Variants in SPATA16 observed in about 807,000 individuals in gnomAD.
SPATA16 encodes spermatogenesis-associated protein 16.
Under a neutral mutation model 63.3 loss-of-function variants are expected in SPATA16, and 36 were observed. That is an observed-to-expected ratio of 0.57 (90% confidence interval 0.44 to 0.75). SPATA16 has a LOEUF of 0.75. SPATA16 is among the 30% of genes least tolerant of loss of function. SPATA16 has a pLI of 0.00. For missense variants in SPATA16, 646 were observed against 679.3 expected, an observed-to-expected ratio of 0.95 and a Z score of 0.54; for synonymous variants, 203 against 216.7, an observed-to-expected ratio of 0.94 and a Z score of 0.56.
intron 3 of SPATA16, among the ~76,000 whole-genome samples, chr3:173,044,443 G>A (rs760205492): frequency 1.3e-5 from 2 of 152,010 alleles, no homozygotes; most frequent in Admixed American, 1.3e-4. Flanking sequence ...ATCTCCATTT[G>A]GTTCTTCCCA....
rs535866100 is a variant in SPATA16, at chr3:172,974,248, A to T, written c.933+2720T>A. On this transcript the variant is annotated intron_variant, in intron 5 of 10. Transcript: ENST00000351008. ...CTGTTAAGAAGAATAACCAACTAAAATGGTATGGATTTTATAGGGTTGAAA... is the reference window on the plus strand; with the variant it reads ...CTGTTAAGAAGAATAACCAACTAAATTGGTATGGATTTTATAGGGTTGAAA... Among the ~76,000 whole-genome samples the T allele has an allele frequency of 1.6e-4, 24 of 152,224 alleles. No homozygotes were observed. In the South Asian group the frequency reaches 4.6e-3, roughly 29 times the overall value.
chr3:173,110,873 T>C (rs562921645), intron 2 of SPATA16, among the ~76,000 whole-genome samples: 2 of 152,350 alleles, frequency 1.3e-5, no homozygotes, highest in African/African-American at 4.8e-5. Flanking sequence ...AGTGGTTTGG[T>C]ATAAATCCTT....
chr3:172,929,467 C>T (rs1732818356), intron 6 of SPATA16, among the ~76,000 whole-genome samples: 1 of 152,152 alleles, frequency 6.6e-6, no homozygotes, highest in Admixed American at 6.5e-5. Context: ...AAACTGACCA[C>T]CTTGCAAGTC....
chr3:173,096,633 A>G (rs1293968027), intron 2 of SPATA16, among the ~76,000 whole-genome samples: 1 of 152,152 alleles, frequency 6.6e-6, no homozygotes. Flanking sequence ...ATAAAGGAAA[A>G]TAGACCTTCT....
chr3:173,120,608 T>A (rs1431999752), intron 1 of SPATA16, among the ~76,000 whole-genome samples: 1 of 152,204 alleles, frequency 6.6e-6, no homozygotes, highest in Non-Finnish European at 1.5e-5. Flanking sequence ...TACCTATCTC[T>A]GCTGTATTTA....
intron 4 of SPATA16, among the ~76,000 whole-genome samples, chr3:172,986,457 C>A (rs992764725): frequency 2.6e-5 from 4 of 152,004 alleles, no homozygotes; most frequent in African/African-American, 9.7e-5. Context: ...GTGGATAAAT[C>A]AATATATGTA....
chr3:172,917,665 C>T (rs1429599175), intron 8 of SPATA16, among the ~76,000 whole-genome samples: 1 of 152,172 alleles, frequency 6.6e-6, no homozygotes, highest in Non-Finnish European at 1.5e-5. Context: ...CAAACCACCA[C>T]CTTAAAGCTT....
At chr3:172,989,605 C>T (rs748866714) in intron 4 of SPATA16, among the ~76,000 whole-genome samples, 15 of 152,076 alleles carry the variant, frequency 9.9e-5, no homozygotes, top group African/African-American at 1.9e-4. Flanking sequence ...TAGTACAATG[C>T]GGATAATAAT....
At chr3:173,119,014 T>C (rs1441496508) in intron 1 of SPATA16, among the ~76,000 whole-genome samples, 1 of 152,204 alleles carries the variant, frequency 6.6e-6, no homozygotes, top group African/African-American at 2.4e-5. Context: ...TTGATTGTCT[T>C]CATTTGTTTG....
At chr3:172,981,496 C>T (rs931839212) in intron 4 of SPATA16, among the ~76,000 whole-genome samples, 1 of 152,174 alleles carries the variant, frequency 6.6e-6, no homozygotes, top group Middle Eastern at 3.2e-3. Flanking sequence ...CAGGGTCCAT[C>T]CTGCTGTCCC....
At chr3:173,123,893 C>G (rs1738155599) in intron 1 of SPATA16, among the ~76,000 whole-genome samples, 1 of 151,970 alleles carries the variant, frequency 6.6e-6, no homozygotes, top group African/African-American at 2.4e-5. Flanking sequence ...CATAAGCCAC[C>G]ACTTCCGGCC....
In SPATA16 at chr3:172,956,844, C is replaced by T. The variant is rs756580561; in HGVS notation, c.934-20G>A. ...CATGGCCTAAGAGGAAACAAACAAC[C>T]CATTTGGCATCAATAACAATATATG... On this transcript the variant is annotated intron_variant, in intron 5 of 10. Coordinates refer to ENST00000351008, the MANE Select transcript of SPATA16 (RefSeq NM_031955.6). 1.1e-5 allele frequency: 18 copies of T among 1,612,554 alleles called. No individual in the cohort carries two copies. The South Asian group carries it at 1.9e-4, about 17-fold the overall frequency.
Position 173,098,095 on chromosome 3 carries a change from G to A in SPATA16, c.612+19025C>T, listed in dbSNP as rs1234026002. Among the ~76,000 whole-genome samples the A allele has an allele frequency of 4.0e-5, 6 of 151,776 alleles. No individual in the cohort carries two copies. In the South Asian group the frequency reaches 8.3e-4, roughly 21 times the overall value. On this transcript the variant is annotated intron_variant, in intron 2 of 10. Coordinates refer to ENST00000351008, the MANE Select transcript of SPATA16 (RefSeq NM_031955.6). ...ACATAATCAGAAAGTGTGGGTGACAGCCATCTTGTTTATGGAATAATTCCA... is the reference window on the plus strand; with the variant it reads ...ACATAATCAGAAAGTGTGGGTGACAACCATCTTGTTTATGGAATAATTCCA...
chr3:172,946,679 A>G (rs1577100807), intron 6 of SPATA16, among the ~76,000 whole-genome samples: 2 of 152,182 alleles, frequency 1.3e-5, no homozygotes, highest in South Asian at 2.1e-4. Flanking sequence ...CACGTAGAAC[A>G]TAGTACCAAG....
At chr3:172,955,088 G>A (rs1012069361) in intron 6 of SPATA16, among the ~76,000 whole-genome samples, 1 of 152,146 alleles carries the variant, frequency 6.6e-6, no homozygotes, top group African/African-American at 2.4e-5. Context: ...CTTGATAACA[G>A]GTTTGATAGA....
At chr3:172,946,074 C>G (rs1733277373) in intron 6 of SPATA16, among the ~76,000 whole-genome samples, 1 of 152,194 alleles carries the variant, frequency 6.6e-6, no homozygotes, top group Admixed American at 6.5e-5. Context: ...GGGCACTATT[C>G]TCTCAGACAA....
intron 2 of SPATA16, among the ~76,000 whole-genome samples, chr3:173,082,495 T>G (rs1736947119): frequency 6.6e-6 from 1 of 152,184 alleles, no homozygotes; most frequent in Non-Finnish European, 1.5e-5. Flanking sequence ...AGACCAAGCA[T>G]TTAAACTGTT....
intron 2 of SPATA16, among the ~76,000 whole-genome samples, chr3:173,072,750 A>G (rs1736703716): frequency 6.6e-6 from 1 of 152,200 alleles, no homozygotes; most frequent in East Asian, 1.9e-4. Context: ...GGACTAATAC[A>G]GTAAATTGGC....
chr3:172,925,829 T>G (rs1201085571), intron 6 of SPATA16, among the ~76,000 whole-genome samples: 2 of 152,056 alleles, frequency 1.3e-5, no homozygotes, highest in Non-Finnish European at 2.9e-5. Context: ...GAGACTTCGA[T>G]TTTTCTTTTT....
Sources: allele counts gnomAD v4.1 joint callset (sites outside exome capture counted in the v4.1 genomes callset), GRCh38; gene constraint gnomAD v4.1.1; transcripts MANE v1.5; gene names NCBI Gene and HGNC (gene_info 2026-07-23, HGNC 2026-07-21).